Variants in RBFOX1 observed in about 807,000 individuals in gnomAD.
RBFOX1 encodes the protein RNA binding fox-1 homolog 1, also known as RNA binding protein fox-1 homolog 1.
In RBFOX1, 8 loss-of-function variants were observed where a neutral mutation model predicts 57.7. That is an observed-to-expected ratio of 0.14 (90% CI 0.08 to 0.25). RBFOX1 has a LOEUF of 0.25. Among genes scored for constraint, RBFOX1 ranks in the 10% least tolerant of loss-of-function variants. The pLI is 1.00. For synonymous variants in RBFOX1, 326 were observed against 222.4 expected (o/e 1.47, Z -4.15); for missense variants, 611 against 548.5 (o/e 1.11, Z -1.14).
chr16:5,698,290 A>G (rs544566715), intron 3 of RBFOX1, among the ~76,000 whole-genome samples: 1 of 152,302 alleles, frequency 6.6e-6, no homozygotes, highest in Non-Finnish European at 1.5e-5. Flanking sequence ...AAAAAATTAT[A>G]TAAGGTAGAA....
chr16:7,365,391 A>G (rs1169537689), intron 4 of RBFOX1, among the ~76,000 whole-genome samples: 1 of 152,214 alleles, frequency 6.6e-6, no homozygotes, highest in African/African-American at 2.4e-5. Flanking sequence ...AACCATAGCC[A>G]TAGCCAGGCA....
intron 4 of RBFOX1, among the ~76,000 whole-genome samples, chr16:7,169,281 G>C (rs942352141): frequency 6.6e-6 from 1 of 152,164 alleles, no homozygotes; most frequent in East Asian, 1.9e-4. Context: ...AGAATTTTGA[G>C]TTTCTATGAG....
chr16:5,413,204 GA>G (rs1303359188), intron 1 of RBFOX1, among the ~76,000 whole-genome samples: 4 of 151,942 alleles, frequency 2.6e-5, no homozygotes, highest in Admixed American at 6.6e-5. Context: ...TCTTAACTAA[GA>G]AAAAAAACCT....
intron 4 of RBFOX1, among the ~76,000 whole-genome samples, chr16:7,290,306 C>A (rs1448688054): frequency 6.6e-6 from 1 of 152,138 alleles, no homozygotes; most frequent in African/African-American, 2.4e-5. Context: ...GGCTTATAAT[C>A]CAATTCATTT....
intron 1 of RBFOX1, among the ~76,000 whole-genome samples, chr16:6,299,866 G>A (rs1279280920): frequency 6.6e-6 from 1 of 152,126 alleles, no homozygotes; most frequent in African/African-American, 2.4e-5. Context: ...ACCTCAGATG[G>A]CTTCACTAGA....
intron 3 of RBFOX1, among the ~76,000 whole-genome samples, chr16:6,767,060 A>C (rs1359267116): frequency 6.6e-6 from 1 of 152,072 alleles, no homozygotes; most frequent in Non-Finnish European, 1.5e-5. Context: ...GTTTTCATCT[A>C]TTCAGTATCC....
chr16:6,921,794 A>T (rs1473628222), intron 3 of RBFOX1, among the ~76,000 whole-genome samples: 2 of 152,114 alleles, frequency 1.3e-5, no homozygotes, highest in Non-Finnish European at 2.9e-5. Flanking sequence ...ATGCACACAC[A>T]CATGAACATA....
intron 2 of RBFOX1, among the ~76,000 whole-genome samples, chr16:6,464,108 G>T (rs888641561): frequency 6.6e-6 from 1 of 152,090 alleles, no homozygotes; most frequent in Non-Finnish European, 1.5e-5. Context: ...CTTTTTCATC[G>T]AAATGTGGGC....
chr16:5,364,877 A>T (rs2065666361), intron 1 of RBFOX1, among the ~76,000 whole-genome samples: 1 of 152,148 alleles, frequency 6.6e-6, no homozygotes. Flanking sequence ...CCCATCTGTG[A>T]AACGCACCTG....
chr16:7,482,089 C>A (rs772526510), intron 4 of RBFOX1, among the ~76,000 whole-genome samples: 2 of 152,222 alleles, frequency 1.3e-5, no homozygotes, highest in African/African-American at 4.8e-5. Flanking sequence ...CTAGCAAGGG[C>A]TAGTGATGGT....
intron 1 of RBFOX1, among the ~76,000 whole-genome samples, chr16:6,029,177 T>C (rs1007238633): frequency 2.0e-5 from 3 of 152,220 alleles, no homozygotes; most frequent in African/African-American, 7.2e-5. Context: ...TGTGCTGTGA[T>C]TTGTGGAAAG....
intron 4 of RBFOX1, among the ~76,000 whole-genome samples, chr16:7,079,057 A>C (rs1235526600): frequency 6.6e-6 from 1 of 151,484 alleles, no homozygotes; most frequent in Non-Finnish European, 1.5e-5. Context: ...ACATGGTTCA[A>C]CTCATGACAG....
intron 4 of RBFOX1, among the ~76,000 whole-genome samples, chr16:7,205,405 C>T (rs977078986): frequency 6.6e-6 from 1 of 151,486 alleles, no homozygotes; most frequent in Non-Finnish European, 1.5e-5. Context: ...GTAATCCCAG[C>T]TACTCGGGAG....
In RBFOX1 at chr16:6,970,508, C is replaced by G. The variant is rs144803822; in HGVS notation, c.-15-81549C>G. Among the ~76,000 whole-genome samples, 4 of 152,092 alleles carry G rather than the reference C, an allele frequency of 2.6e-5. No individual in the cohort carries two copies. In the South Asian group the frequency reaches 8.3e-4, roughly 32 times the overall value. On this transcript the variant is annotated intron_variant, in intron 3 of 15. Transcript: ENST00000550418. Reference sequence around the variant, plus strand: ...TTCTGGAAGCTGGGCATTCTAAGATCAGAGACATCAGTAGATTCAGTGTCC... The same window carrying G: ...TTCTGGAAGCTGGGCATTCTAAGATGAGAGACATCAGTAGATTCAGTGTCC...
intron 1 of RBFOX1, among the ~76,000 whole-genome samples, chr16:6,254,487 G>A (rs1255280672): frequency 1.3e-5 from 2 of 152,106 alleles, no homozygotes; most frequent in Non-Finnish European, 2.9e-5. Flanking sequence ...ATATGGGATT[G>A]GTAATAACCC....
chr16:5,982,156 G>A (rs1364089227), intron 4 of RBFOX1, among the ~76,000 whole-genome samples: 1 of 152,100 alleles, frequency 6.6e-6, no homozygotes, highest in Non-Finnish European at 1.5e-5. Flanking sequence ...TTGACCCTCT[G>A]ACTGCATCTC....
chr16:7,664,309 A>G (rs1016313339), intron 12 of RBFOX1, among the ~76,000 whole-genome samples: 2 of 152,220 alleles, frequency 1.3e-5, no homozygotes. Flanking sequence ...ATTCTTGCAC[A>G]TGTACCCATG....
chr16:5,866,723 A>G (rs557695917), intron 3 of RBFOX1, among the ~76,000 whole-genome samples: 22 of 152,134 alleles, frequency 1.4e-4, no homozygotes, highest in Non-Finnish European at 3.1e-4. Context: ...ACTTGTACAA[A>G]CCCCAATATT....
At chr16:7,350,089 G>C (rs919078541) in intron 4 of RBFOX1, among the ~76,000 whole-genome samples, 1 of 152,176 alleles carries the variant, frequency 6.6e-6, no homozygotes, top group Non-Finnish European at 1.5e-5. Context: ...AGAGGTTGCA[G>C]TGAGCCGAGA....
Sources: gnomAD v4.1 joint callset for allele counts (sites outside exome capture counted in the v4.1 genomes callset) on GRCh38, gnomAD v4.1.1 for gene constraint, MANE v1.5 for transcripts, NCBI Gene and HGNC (gene_info 2026-07-23, HGNC 2026-07-21) for gene names.